Variants in MRPS27 observed in about 807,000 individuals in gnomAD.
MRPS27 encodes small ribosomal subunit protein mS27.
A neutral mutation model predicts 48.9 loss-of-function variants in MRPS27; 43 were observed. That is an observed-to-expected ratio of 0.88 (90% confidence interval 0.69 to 1.13). The LOEUF is 1.13. Among genes scored for constraint, MRPS27 ranks in the 50% most tolerant of loss-of-function variants. MRPS27 has a pLI of 0.00. For missense variants in MRPS27, 467 were observed against 476.3 expected (o/e 0.98, Z 0.18); for synonymous variants, 188 against 171.9 (o/e 1.09, Z -0.73).
chr5:72,250,239 T>C (rs1561339335), intron 4 of MRPS27, among the ~76,000 whole-genome samples: 1 of 152,236 alleles, frequency 6.6e-6, no homozygotes, highest in Non-Finnish European at 1.5e-5. Flanking sequence ...ATAAAAATGT[T>C]AGAGATAATG....
At chr5:72,301,146 C>G (rs1236366142) in intron 2 of MRPS27, among the ~76,000 whole-genome samples, 5 of 152,186 alleles carry the variant, frequency 3.3e-5, no homozygotes, top group African/African-American at 1.2e-4. Context: ...ATTTTTTCCT[C>G]TCTTTTTTCC....
At chr5:72,227,589 TA>T (rs762922602) in intron 8 of MRPS27, 1 of 152,218 alleles carries the variant, frequency 6.6e-6, no homozygotes, top group Non-Finnish European at 1.5e-5. Flanking sequence ...TGAAATAACA[TA>T]AATTTAATAA....
intron 4 of MRPS27, among the ~76,000 whole-genome samples, chr5:72,249,222 A>G (rs1045888188): frequency 4.6e-5 from 7 of 152,214 alleles, no homozygotes; most frequent in Non-Finnish European, 8.8e-5. Context: ...CCTATATGAA[A>G]TTACTTATTA....
chr5:72,295,319 C>G (rs767903903), intron 4 of MRPS27: 3 of 463,426 alleles, frequency 6.5e-6, no homozygotes, highest in East Asian at 3.5e-5. Context: ...ACCTAGAGGT[C>G]CATAAAAAGG....
rs551014885 is a variant in MRPS27, at chr5:72,298,691, A to C, written c.152-989T>G. Among the ~76,000 whole-genome samples, 738 of 140,448 alleles carry C rather than the reference A, an allele frequency of 5.3e-3. 3 individuals carry two copies. Among genetic ancestry groups the C allele is most frequent in the African/African-American group, 0.019 (708 of 37,762 alleles). The allele number at this position is 140,448 out of a possible 152,430, so 92.1% of individuals were successfully genotyped here. On this transcript the variant is annotated intron_variant, in intron 2 of 10. Transcript: ENST00000261413. The stretch of plus-strand genomic sequence containing the variant: ...ACTGCAGTCCGCAGTCCGGCCTGGG[A>C]GACAGAGCGAGACTCCGTCTCAAAA...
chr5:72,237,742 A>G (rs1379615530), intron 5 of MRPS27, among the ~76,000 whole-genome samples: 1 of 152,114 alleles, frequency 6.6e-6, no homozygotes, highest in Admixed American at 6.6e-5. Flanking sequence ...TTAGCAACCG[A>G]GAATGAAATG....
intron 10 of MRPS27, 25 bp downstream of exon 10, chr5:72,223,658 A>G (rs759470947): frequency 3.0e-5 from 49 of 1,613,266 alleles, no homozygotes; most frequent in Non-Finnish European, 4.0e-5. Context: ...CGCTGCTAAG[A>G]GAGACACGTT....
At chr5:72,308,463 G>A (rs369329029) in intron 2 of MRPS27, among the ~76,000 whole-genome samples, 179 of 152,344 alleles carry the variant, frequency 1.2e-3, no homozygotes, top group African/African-American at 4.1e-3. Flanking sequence ...CCCTCCGGCT[G>A]GCGGCGCCCA....
At chr5:72,285,588 G>T (rs1453018345) in intron 4 of MRPS27, among the ~76,000 whole-genome samples, 1 of 152,110 alleles carries the variant, frequency 6.6e-6, no homozygotes, top group African/African-American at 2.4e-5. Flanking sequence ...TTGTAGCCTT[G>T]AACTTCTGGA....
At chr5:72,279,494 C>T (rs991408458) in intron 4 of MRPS27, among the ~76,000 whole-genome samples, 18 of 151,996 alleles carry the variant, frequency 1.2e-4, no homozygotes, top group African/African-American at 3.9e-4. Context: ...CAGTGGCTCA[C>T]GCCTATAATC....
rs560107979 is a variant in MRPS27 at position 72,243,970 on chromosome 5, G to T, written c.282-5842C>A. 2.6e-5 allele frequency among the ~76,000 whole-genome samples: 4 copies of T among 152,190 alleles called. No individual in the cohort carries two copies. The East Asian group carries it at 7.7e-4, about 29-fold the overall frequency. On this transcript the variant is annotated intron_variant, in intron 4 of 10. Coordinates refer to ENST00000261413, the MANE Select transcript of MRPS27 (RefSeq NM_015084.3). Reference sequence around the variant, plus strand: ...GTCAATTTAAGCAAATTTTATATAGGTAACCTCCTTGGGTCCCTTTCCAGA... The same window carrying T: ...GTCAATTTAAGCAAATTTTATATAGTTAACCTCCTTGGGTCCCTTTCCAGA...
rs1196944426 is a variant in MRPS27 at position 72,295,563 on chromosome 5, T to C, written c.249A>G (p.Glu83=). 1 of 1,610,892 alleles carries C rather than the reference T, an allele frequency of 6.2e-7. No individual in the cohort carries two copies. The highest frequency in any genetic ancestry group is 1.1e-5 in the South Asian group (1 of 90,972). ...SRLIDNISSR[E]EIDHAEYYLY... ...GGTAATACTCTGCATGATCTATCTC[T>C]TCCCGAGAGGAAATGTTGTCTATAA... Residue 83 remains glutamate, a synonymous_variant, in exon 4 of 11, where the codon GAA becomes GAG. Transcript: ENST00000261413.
chr5:72,257,475 T>C (rs1162615274), intron 4 of MRPS27, among the ~76,000 whole-genome samples: 1 of 152,206 alleles, frequency 6.6e-6, no homozygotes, highest in Non-Finnish European at 1.5e-5. Context: ...GCTACGTTCA[T>C]CCATAATCCT....
At chr5:72,249,734 C>T (rs534418876) in intron 4 of MRPS27, among the ~76,000 whole-genome samples, 103 of 151,624 alleles carry the variant, frequency 6.8e-4, no homozygotes, top group Middle Eastern at 6.9e-3. Flanking sequence ...GTAATCCCAG[C>T]ACTTTGGGAG....
chr5:72,264,770 G>A (rs2112007455), intron 4 of MRPS27, among the ~76,000 whole-genome samples: 1 of 152,338 alleles, frequency 6.6e-6, no homozygotes, highest in Middle Eastern at 3.4e-3. Context: ...ACAGCCTTCA[G>A]GGAAAGGATG....
chr5:72,296,313 G>C (rs1365676112), intron 3 of MRPS27, among the ~76,000 whole-genome samples: 4 of 152,164 alleles, frequency 2.6e-5, no homozygotes, highest in Non-Finnish European at 5.9e-5. Flanking sequence ...AGAGTAAAAA[G>C]AGGGAGACTT....
intron 4 of MRPS27, among the ~76,000 whole-genome samples, chr5:72,239,357 T>C (rs1299720229): frequency 1.3e-5 from 2 of 152,170 alleles, no homozygotes; most frequent in Non-Finnish European, 2.9e-5. Flanking sequence ...GGATATCTAT[T>C]AGTGCTCTGG....
intron 4 of MRPS27, among the ~76,000 whole-genome samples, chr5:72,259,288 G>C (rs1748898332): frequency 6.6e-6 from 1 of 152,020 alleles, no homozygotes; most frequent in Admixed American, 6.6e-5. Context: ...GACCAACATG[G>C]TGAAACCCTG....
At chr5:72,284,895 C>A (rs1334364247) in intron 4 of MRPS27, among the ~76,000 whole-genome samples, 1 of 152,126 alleles carries the variant, frequency 6.6e-6, no homozygotes, top group Admixed American at 6.5e-5. Flanking sequence ...ATTAAACAGG[C>A]TTCTATTGAT....
Sources: allele counts gnomAD v4.1 joint callset (sites outside exome capture counted in the v4.1 genomes callset), GRCh38; gene constraint gnomAD v4.1.1; transcripts MANE v1.5; gene names NCBI Gene and HGNC (gene_info 2026-07-23, HGNC 2026-07-21).